The following GLCCI1 variants were observed in gnomAD, a reference collection of about 807,000 sequenced individuals.
GLCCI1 encodes the protein glucocorticoid-induced transcript 1 protein.
In GLCCI1, 24 loss-of-function variants were observed where a neutral mutation model predicts 52.2. The observed-to-expected ratio is 0.46, with a 90% CI of 0.33 to 0.65. The LOEUF is 0.65. GLCCI1 is among the 30% of genes least tolerant of loss of function. The pLI is 0.02. For missense variants in GLCCI1, 704 were observed against 701.5 expected (o/e 1.00, Z -0.04); for synonymous variants, 310 against 276.5 (o/e 1.12, Z -1.20).
intron 1 of GLCCI1, among the ~76,000 whole-genome samples, chr7:8,000,924 A>T (rs1006397669): frequency 6.6e-6 from 1 of 152,048 alleles, no homozygotes; most frequent in East Asian, 1.9e-4. Flanking sequence ...TTTTGAGCCT[A>T]TGTGTGTCTC....
intron 1 of GLCCI1, chr7:7,982,094 C>T (rs1244261561): frequency 4.3e-6 from 2 of 459,838 alleles, no homozygotes; most frequent in Admixed American, 2.6e-5. Flanking sequence ...TAGCTGATCG[C>T]AAGAGAGGAA....
intron 2 of GLCCI1, among the ~76,000 whole-genome samples, chr7:8,005,836 T>C (rs1781138439): frequency 6.6e-6 from 1 of 152,144 alleles, no homozygotes; most frequent in African/African-American, 2.4e-5. Flanking sequence ...TTCTGTCTTG[T>C]TGCCCAGGCT....
chr7:8,081,232 G>C (rs1458100663), intron 6 of GLCCI1, among the ~76,000 whole-genome samples: 1 of 152,022 alleles, frequency 6.6e-6, no homozygotes, highest in East Asian at 1.9e-4. Flanking sequence ...CTCCTCCCCA[G>C]ACTAATTAAA....
At chr7:8,068,165 G>A (rs1272069317) in intron 5 of GLCCI1, among the ~76,000 whole-genome samples, 2 of 152,048 alleles carry the variant, frequency 1.3e-5, no homozygotes, top group South Asian at 2.1e-4. Flanking sequence ...CCTGGCCAAC[G>A]TGGTGAAACC....
At chr7:7,982,869 T>C (rs1780649436) in intron 1 of GLCCI1, among the ~76,000 whole-genome samples, 1 of 152,194 alleles carries the variant, frequency 6.6e-6, no homozygotes, top group Non-Finnish European at 1.5e-5. Flanking sequence ...AAACTGCTGC[T>C]GTGAACATTG....
intron 1 of GLCCI1, among the ~76,000 whole-genome samples, chr7:8,002,924 T>A (rs38012): frequency 6.6e-6 from 1 of 152,056 alleles, no homozygotes; most frequent in Non-Finnish European, 1.5e-5. Flanking sequence ...TTGATTGAAC[T>A]GTGTATAATG....
At chr7:7,980,504 G>A (rs1780591019) in intron 1 of GLCCI1, 1 of 375,258 alleles carries the variant, frequency 2.7e-6, no homozygotes, top group Non-Finnish European at 4.8e-6. Flanking sequence ...AAATATTACA[G>A]TTATTGCCTT....
chr7:8,083,575 G>A (rs1783041142), intron 6 of GLCCI1, among the ~76,000 whole-genome samples: 1 of 152,012 alleles, frequency 6.6e-6, no homozygotes, highest in Admixed American at 6.6e-5. Flanking sequence ...AATCTGAATG[G>A]TATATGAAGA....
chr7:8,077,837 G>C (rs1471391492), intron 6 of GLCCI1, among the ~76,000 whole-genome samples: 1 of 152,154 alleles, frequency 6.6e-6, no homozygotes, highest in Non-Finnish European at 1.5e-5. Flanking sequence ...TGGGCATTCA[G>C]CTGTGAAAGG....
At chr7:8,026,709 C>T (rs1562433305) in intron 3 of GLCCI1, among the ~76,000 whole-genome samples, 1 of 152,212 alleles carries the variant, frequency 6.6e-6, no homozygotes, top group South Asian at 2.1e-4. Context: ...CAGCCAGTGC[C>T]TGTGCATGGA....
rs1782975897 is a variant in GLCCI1, at chr7:8,080,674, T to C, written c.1178-4223T>C. ...TATTGAAAACATTTCCTTTACTCTC[T>C]TCTGTCAAGAGGGAGCAGAATAGGC... On this transcript the variant is annotated intron_variant, in intron 6 of 7. Transcript: ENST00000223145. Among the ~76,000 whole-genome samples, 2 of 148,026 alleles carry C rather than the reference T, an allele frequency of 1.4e-5. 1 individual carries two copies. The highest frequency in any genetic ancestry group is 5.3e-5 in the African/African-American group (2 of 37,502).
At chr7:7,987,964 C>T (rs972599132) in intron 1 of GLCCI1, among the ~76,000 whole-genome samples, 2 of 152,054 alleles carry the variant, frequency 1.3e-5, no homozygotes, top group Admixed American at 6.5e-5. Flanking sequence ...AGATTATTTT[C>T]CTCATGATAT....
At chr7:7,991,067 C>T (rs1381212595) in intron 1 of GLCCI1, among the ~76,000 whole-genome samples, 2 of 152,094 alleles carry the variant, frequency 1.3e-5, no homozygotes, top group Admixed American at 6.5e-5. Flanking sequence ...TGCTTTGCAG[C>T]AGTAGATTAG....
chr7:8,022,682 T>A, intron 3 of GLCCI1, 113 bp downstream of exon 3: 1 of 473,970 alleles, frequency 2.1e-6, no homozygotes, highest in Non-Finnish European at 3.5e-6. Flanking sequence ...CCTCTTTCAG[T>A]AAGGTTAGGA....
At chr7:8,063,071 C>T (rs1464010132) in intron 5 of GLCCI1, among the ~76,000 whole-genome samples, 2 of 152,220 alleles carry the variant, frequency 1.3e-5, no homozygotes, top group African/African-American at 2.4e-5. Flanking sequence ...AACTTACTTA[C>T]ATTCCCACCA....
chr7:7,978,947 A>G (rs1164121566), intron 1 of GLCCI1, among the ~76,000 whole-genome samples: 2 of 152,192 alleles, frequency 1.3e-5, no homozygotes, highest in Non-Finnish European at 2.9e-5. Context: ...TATTTATAAT[A>G]TCTTTCGAAG....
chr7:8,048,428 G>T (rs1277839352), intron 3 of GLCCI1, among the ~76,000 whole-genome samples: 1 of 142,170 alleles, frequency 7.0e-6, no homozygotes, highest in Non-Finnish European at 1.5e-5. Context: ...TTGGGGAGGT[G>T]GGGGGGTCTG....
intron 1 of GLCCI1, among the ~76,000 whole-genome samples, chr7:7,976,830 G>A (rs866329823): frequency 2.4e-4 from 37 of 151,778 alleles, no homozygotes; most frequent in Middle Eastern, 6.8e-3. Flanking sequence ...GATCCTCAAG[G>A]AGGATCACTT....
chr7:8,041,709 G>A (rs1431427230), intron 3 of GLCCI1, among the ~76,000 whole-genome samples: 1 of 152,090 alleles, frequency 6.6e-6, no homozygotes, highest in African/African-American at 2.4e-5. Flanking sequence ...TCCTACCTGA[G>A]TATCCCAAGT....
Sources: gnomAD v4.1 joint callset for allele counts (sites outside exome capture counted in the v4.1 genomes callset) on GRCh38, gnomAD v4.1.1 for gene constraint, MANE v1.5 for transcripts, NCBI Gene and HGNC (gene_info 2026-07-23, HGNC 2026-07-21) for gene names.